NTN1: variants seen among roughly 807,000 people sequenced by gnomAD.
The protein encoded by NTN1 is netrin 1.
Under a neutral mutation model 54.2 loss-of-function variants are expected in NTN1, and 11 were observed. That is an observed-to-expected ratio of 0.20 (90% CI 0.13 to 0.34). The LOEUF is 0.34. NTN1 is among the 10% of genes least tolerant of loss of function. NTN1 has a pLI of 1.00. For synonymous variants in NTN1, 371 were observed against 382.0 expected, an observed-to-expected ratio of 0.97 and a Z score of 0.33; for missense variants, 740 against 893.1, an observed-to-expected ratio of 0.83 and a Z score of 2.18.
chr17:9,182,627 C>T (rs1384494142), intron 4 of NTN1, among the ~76,000 whole-genome samples: 1 of 152,202 alleles, frequency 6.6e-6, no homozygotes, highest in African/African-American at 2.4e-5. Flanking sequence ...GAGTTGACGC[C>T]AGGCCCAGGG....
chr17:9,228,240 C>T (rs559662689), intron 6 of NTN1, among the ~76,000 whole-genome samples: 10 of 152,304 alleles, frequency 6.6e-5, no homozygotes, highest in Admixed American at 3.9e-4. Flanking sequence ...GAGGAGGGAG[C>T]CTGAGTAGCC....
chr17:9,070,055 G>T (rs1221117188), intron 2 of NTN1, among the ~76,000 whole-genome samples: 2 of 152,140 alleles, frequency 1.3e-5, no homozygotes, highest in East Asian at 3.9e-4. Flanking sequence ...CTTCTTCTTC[G>T]TAGGTTGTGT....
the NTN1 span, among the ~76,000 whole-genome samples, chr17:9,007,596 ACCTTCCTTCCTTCCTTCT>A: frequency 1.0e-4 from 6 of 59,980 alleles, no homozygotes; most frequent in East Asian, 9.0e-4. Flanking sequence ...CTCCCTTCCT[ACCTTCCTTCCTTCCTTCT>A]CCTTCCTTCC....
chr17:9,040,539 A>C (rs898436650), intron 2 of NTN1, among the ~76,000 whole-genome samples: 1 of 152,162 alleles, frequency 6.6e-6, no homozygotes, highest in Non-Finnish European at 1.5e-5. Context: ...TCAACTATAT[A>C]TATGAATATT....
Position 9,022,550 on chromosome 17 carries a change from C to T in NTN1, c.177C>T (p.Ala59=). ...GCATCCCGGACTTTGTCAATGCGGC[C>T]TTCGGCAAGGACGTGCGCGTGTCCA... ...RRCIPDFVNA[A]FGKDVRVSST... Residue 59 remains alanine, a synonymous_variant, in exon 2 of 7, where the codon GCC becomes GCT. Coordinates refer to ENST00000173229, the MANE Select transcript of NTN1 (RefSeq NM_004822.3). 1 of 1,550,518 alleles carries T rather than the reference C, an allele frequency of 6.4e-7. No homozygotes were observed. Among genetic ancestry groups the T allele is most frequent in the African/African-American group, 1.4e-5 (1 of 73,492 alleles).
chr17:9,243,994 T>TACACTATGCCG (rs556692988), exon 7 of NTN1: 252 of 152,196 alleles, frequency 1.7e-3, 2 homozygotes, highest in African/African-American at 5.7e-3. Context: ...TAAACTCTTG[T>TACACTATGCCG]ACACTATGCC....
chr17:9,216,994 A>G (rs1221160794), intron 5 of NTN1, among the ~76,000 whole-genome samples: 1 of 151,762 alleles, frequency 6.6e-6, no homozygotes, highest in Non-Finnish European at 1.5e-5. Context: ...GTGAGCCGAG[A>G]TCATGCCATT....
chr17:9,162,693 C>G (rs1461081487), intron 2 of NTN1, 120 bp from the exon 3 acceptor site: 2 of 925,386 alleles, frequency 2.2e-6, no homozygotes, highest in East Asian at 4.9e-5. Context: ...ACAAGTCTGC[C>G]TGCCTGGCTC....
upstream of NTN1, among the ~76,000 whole-genome samples, chr17:9,018,623 TAAAAA>T (rs57153983): frequency 8.9e-6 from 1 of 112,478 alleles, no homozygotes; most frequent in Non-Finnish European, 1.8e-5. Context: ...GACTCCATCT[TAAAAA>T]AAAAAAAAAA....
chr17:9,033,676 G>A (rs1011107960), intron 2 of NTN1, among the ~76,000 whole-genome samples: 4 of 152,146 alleles, frequency 2.6e-5, no homozygotes, highest in Admixed American at 1.3e-4. Context: ...CCAGCACTTC[G>A]GGAGGCCGAG....
chr17:9,003,726 A>G, the NTN1 span, among the ~76,000 whole-genome samples: 1 of 152,082 alleles, frequency 6.6e-6, no homozygotes, highest in Admixed American at 6.5e-5. This position sits in a 1 kb window ranked among gnomAD's most constrained non-coding sequence, Gnocchi z 7.4. Context: ...TTCAGTGCTT[A>G]GTAATTAATT....
intron 2 of NTN1, among the ~76,000 whole-genome samples, chr17:9,156,035 G>C (rs1409002113): frequency 6.6e-6 from 1 of 152,144 alleles, no homozygotes; most frequent in South Asian, 2.1e-4. Context: ...CAGGAGCCAT[G>C]GACTTACCTA....
intron 2 of NTN1, among the ~76,000 whole-genome samples, chr17:9,148,489 G>A (rs1779981711): frequency 6.6e-6 from 1 of 152,194 alleles, no homozygotes; most frequent in Admixed American, 6.5e-5. Context: ...AGCCCAAGCT[G>A]GGTAGGGATC....
intron 2 of NTN1, among the ~76,000 whole-genome samples, chr17:9,035,331 T>G (rs9894560): frequency 6.6e-6 from 1 of 152,080 alleles, no homozygotes; most frequent in Non-Finnish European, 1.5e-5. Flanking sequence ...TCTTCATCCA[T>G]GTATAGTAGT....
chr17:9,008,921 G>A, the NTN1 span, among the ~76,000 whole-genome samples: 7 of 152,102 alleles, frequency 4.6e-5, no homozygotes, highest in Admixed American at 6.6e-5. Flanking sequence ...GATGCCTGTA[G>A]TCCCAGCTAC....
chr17:9,107,357 A>G (rs996061469), intron 2 of NTN1, among the ~76,000 whole-genome samples: 1 of 152,268 alleles, frequency 6.6e-6, no homozygotes, highest in Admixed American at 6.5e-5. Context: ...AGAGAAAAGA[A>G]TCTTAGATGC....
chr17:9,214,333 G>A (rs1905171600), intron 5 of NTN1, among the ~76,000 whole-genome samples: 2 of 151,930 alleles, frequency 1.3e-5, no homozygotes, highest in South Asian at 4.1e-4. Context: ...ATTGATTTTT[G>A]CTTAATATAT....
rs73973297 is a variant in NTN1 at position 9,077,635 on chromosome 17, A to G, written c.1018+54244A>G. ...ACAACAAATAAAGTACACTTCTGTT[A>G]GAAACAAAGTGGGAAAAGTTGATAA... On this transcript the variant is annotated intron_variant, in intron 2 of 6. Transcript: ENST00000173229. Among the ~76,000 whole-genome samples, 661 of 152,368 alleles carry G rather than the reference A, an allele frequency of 4.3e-3. 7 individuals carry two copies. The highest frequency in any genetic ancestry group is 0.015 in the African/African-American group (607 of 41,586).
intron 2 of NTN1, among the ~76,000 whole-genome samples, chr17:9,076,451 C>T (rs191063634): frequency 6.6e-5 from 10 of 152,338 alleles, no homozygotes; most frequent in Admixed American, 4.6e-4. Context: ...TAGCTCACTA[C>T]AGCTGTGAGC....
Sources: allele counts gnomAD v4.1 joint callset (sites outside exome capture counted in the v4.1 genomes callset), GRCh38; gene constraint gnomAD v4.1.1; non-coding constraint Gnocchi (gnomAD v3.1); transcripts MANE v1.5; gene names NCBI Gene and HGNC (gene_info 2026-07-23, HGNC 2026-07-21).